NHLRC2: variants seen among roughly 807,000 people sequenced by gnomAD.
The protein encoded by NHLRC2 is NHL repeat containing 2, also known as NHL repeat-containing protein 2.
Under a neutral mutation model 68.1 loss-of-function variants are expected in NHLRC2, and 33 were observed. That is an observed-to-expected ratio of 0.48 (90% CI 0.37 to 0.65). The LOEUF (loss-of-function observed/expected upper bound fraction) is 0.65, where lower values mean the gene tolerates loss of function less well. Among genes scored for constraint, NHLRC2 ranks in the 30% least tolerant of loss-of-function variants. The pLI is 0.00. For synonymous variants in NHLRC2, 311 were observed against 309.6 expected (o/e 1.00, Z -0.05); for missense variants, 761 against 853.8 (o/e 0.89, Z 1.35).
intron 2 of NHLRC2, among the ~76,000 whole-genome samples, chr10:113,873,754 C>T (rs149791078): frequency 6.6e-6 from 1 of 152,300 alleles, no homozygotes; most frequent in African/African-American, 2.4e-5. Context: ...CAAGGATAAA[C>T]TGAAACCCAT....
chr10:113,857,760 T>A (rs906991256), intron 1 of NHLRC2, among the ~76,000 whole-genome samples: 1 of 152,182 alleles, frequency 6.6e-6, no homozygotes, highest in East Asian at 1.9e-4. Flanking sequence ...TTAATATTAA[T>A]GTTACCTCAA....
chr10:113,872,730 G>A (rs533024577), intron 2 of NHLRC2, among the ~76,000 whole-genome samples: 1 of 150,108 alleles, frequency 6.7e-6, no homozygotes, highest in African/African-American at 2.4e-5. Flanking sequence ...ATTAAAAGCA[G>A]GGAGGGAAAC....
intron 3 of NHLRC2, among the ~76,000 whole-genome samples, chr10:113,877,298 C>G (rs531981684): frequency 2.0e-5 from 3 of 149,324 alleles, no homozygotes; most frequent in African/African-American, 7.4e-5. Flanking sequence ...TGAAAACATA[C>G]GTTTTGGATT....
chr10:113,861,087 A>G (rs375812228), intron 2 of NHLRC2, among the ~76,000 whole-genome samples: 4 of 152,282 alleles, frequency 2.6e-5, no homozygotes, highest in East Asian at 1.9e-4. Flanking sequence ...TAGAGACTCG[A>G]AGACAGATTT....
chr10:113,899,832 C>T (rs548804974), intron 6 of NHLRC2, among the ~76,000 whole-genome samples: 9 of 151,952 alleles, frequency 5.9e-5, no homozygotes, highest in African/African-American at 9.7e-5. Context: ...GCAGGAGAAT[C>T]GCTTGAACCC....
intron 6 of NHLRC2, among the ~76,000 whole-genome samples, chr10:113,899,657 C>T (rs1356224986): frequency 2.0e-5 from 3 of 152,148 alleles, no homozygotes; most frequent in Admixed American, 1.3e-4. Flanking sequence ...CGGTGGGTCA[C>T]GCCTGTAATC....
chr10:113,901,956 G>T, intron 7 of NHLRC2, 59 bp downstream of exon 7: 1 of 1,186,766 alleles, frequency 8.4e-7, no homozygotes, highest in South Asian at 1.3e-5. Context: ...TCAATTTTGT[G>T]AATTATGGAA....
Position 113,858,747 on chromosome 10 carries a change from A to G in NHLRC2, c.331+67A>G, listed in dbSNP as rs1003141896. On this transcript the variant is annotated intron_variant, in intron 2 of 10. Transcript: ENST00000369301. ...TAGTCACTGGAAGAGTGGCTGACTCATTAGCTCATAGGAGAATGAACATTT... is the reference window on the plus strand; with the variant it reads ...TAGTCACTGGAAGAGTGGCTGACTCGTTAGCTCATAGGAGAATGAACATTT... 86 of 1,119,724 alleles carry G rather than the reference A, an allele frequency of 7.7e-5. No homozygotes were observed. In the South Asian group the frequency reaches 1.0e-3, roughly 14 times the overall value. 69.4% of individuals were successfully genotyped at this position (1,119,724 alleles called of 1,614,324 possible).
chr10:113,889,782 G>C (rs1350307811), intron 5 of NHLRC2, among the ~76,000 whole-genome samples: 2 of 151,992 alleles, frequency 1.3e-5, no homozygotes, highest in Non-Finnish European at 2.9e-5. Flanking sequence ...TCTCTTTCCT[G>C]TTCTCTGTCA....
intron 1 of NHLRC2, among the ~76,000 whole-genome samples, chr10:113,858,240 G>A (rs1589533226): frequency 1.3e-5 from 2 of 151,072 alleles, no homozygotes; most frequent in African/African-American, 2.4e-5. Flanking sequence ...CCCTTTTTGG[G>A]CTTTTAATCT....
At chr10:113,870,066 T>C (rs532631800) in intron 2 of NHLRC2, among the ~76,000 whole-genome samples, 5 of 152,348 alleles carry the variant, frequency 3.3e-5, no homozygotes, top group Admixed American at 3.3e-4. Context: ...CTAGATGTGC[T>C]CATTGCTACT....
intron 6 of NHLRC2, among the ~76,000 whole-genome samples, chr10:113,899,681 G>A (rs7894115): frequency 0.012 from 1,750 of 152,076 alleles, 30 homozygotes; most frequent in African/African-American, 0.038. Flanking sequence ...GCACTTTGGG[G>A]GGCCGAGGCA....
At chr10:113,879,823 G>T in intron 4 of NHLRC2, 128 bp downstream of exon 4, 2 of 573,440 alleles carry the variant, frequency 3.5e-6, no homozygotes, top group Admixed American at 3.9e-5. Flanking sequence ...CTTTTCTTGA[G>T]GTACGTACTT....
chr10:113,856,906 A>C (rs912115432), intron 1 of NHLRC2, among the ~76,000 whole-genome samples: 14 of 152,178 alleles, frequency 9.2e-5, no homozygotes, highest in African/African-American at 3.4e-4. Flanking sequence ...GAGACAGTGC[A>C]GTGTAATGGA....
Position 113,908,444 on chromosome 10 carries a change from A to G in NHLRC2, c.2089A>G (p.Met697Val). ...YYCSADSSAC[M>V]MKAILFSQPL... The stretch of plus-strand genomic sequence containing the variant: ...CTGTAGTGCAGACAGCAGTGCTTGT[A>G]TGATGAAGGCAATTTTGTTCAGTCA... The change falls in exon 11 of 11, where the codon ATG becomes GTG. Residue 697 changes from methionine to valine, a missense_variant. Transcript: ENST00000369301. The G allele has an allele frequency of 6.2e-7, 1 of 1,614,000 alleles. No individual in the cohort carries two copies. The highest frequency in any genetic ancestry group is 8.5e-7 in the Non-Finnish European group (1 of 1,179,870).
At chr10:113,901,643 A>G in intron 6 of NHLRC2, 23 bp from the exon 7 acceptor site, 2 of 1,455,156 alleles carry the variant, frequency 1.4e-6, no homozygotes, top group South Asian at 1.1e-5. Flanking sequence ...TGTTGACTCC[A>G]CCTATGAACT....
At position 113,855,110 on chromosome 10, in the gene NHLRC2, C is replaced by T. The variant is rs17235031; in HGVS notation, c.178+60C>T. On this transcript the variant is annotated intron_variant, in intron 1 of 10. Transcript: ENST00000369301. Reference sequence around the variant, plus strand: ...GGCACCTCCCCTTCCTCGGGGACGGCGCCCTCCCGCGAAGCGGTGGGCTAG... The same window carrying T: ...GGCACCTCCCCTTCCTCGGGGACGGTGCCCTCCCGCGAAGCGGTGGGCTAG... 6.4e-3 allele frequency: 9,021 copies of T among 1,419,174 alleles called. 447 individuals carry two copies. The African/African-American group carries it at 0.11, about 17-fold the overall frequency. 87.9% of individuals were successfully genotyped at this position (1,419,174 alleles called of 1,614,324 possible).
chr10:113,883,224 A>G (rs1420561035), intron 4 of NHLRC2, among the ~76,000 whole-genome samples: 1 of 151,900 alleles, frequency 6.6e-6, no homozygotes, highest in Admixed American at 6.6e-5. Context: ...TTATGTAAAC[A>G]TATTGTCTCC....
chr10:113,905,043 G>A lies in NHLRC2; in HGVS notation c.1924+7G>A. ...TGGTTTCTAACAGCTGAAGGTATGA[G>A]TATAAGCTTGCAAATACTAATACAT... On this transcript the variant is annotated splice_region_variant and intron_variant, in intron 10 of 10. Coordinates refer to ENST00000369301, the MANE Select transcript of NHLRC2 (RefSeq NM_198514.4). 2.1e-6 allele frequency: 3 copies of A among 1,403,984 alleles called. No individual in the cohort carries two copies. Among genetic ancestry groups the A allele is most frequent in the South Asian group, 2.8e-5 (2 of 70,862 alleles). The allele number at this position is 1,403,984 out of a possible 1,614,324, so 87.0% of individuals were successfully genotyped here. A position where few individuals can be genotyped will look rare whatever the true frequency, so the allele number is the denominator to read the frequency against.
Sources: gnomAD v4.1 joint callset for allele counts (sites outside exome capture counted in the v4.1 genomes callset) on GRCh38, gnomAD v4.1.1 for gene constraint, MANE v1.5 for transcripts, NCBI Gene and HGNC (gene_info 2026-07-23, HGNC 2026-07-21) for gene names.